Variants in EXD2 observed in about 807,000 individuals in gnomAD.
EXD2 encodes exonuclease 3'-5' domain containing 2.
EXD2 carries 40 observed loss-of-function variants against 62.5 expected under a neutral mutation model. The ratio of observed to expected loss-of-function variants is 0.64; its 90% CI spans 0.50 to 0.83. EXD2 has a LOEUF of 0.83. Ranked by LOEUF, EXD2 falls within the 40% of genes least tolerant of loss-of-function variation. EXD2 has a pLI of 0.00. For missense variants in EXD2, 671 were observed against 761.8 expected (o/e 0.88, Z 1.40); for synonymous variants, 239 against 291.9 (o/e 0.82, Z 1.85).
chr14:69,211,057 A>G (rs187172479), intron 3 of EXD2, among the ~76,000 whole-genome samples: 6 of 152,250 alleles, frequency 3.9e-5, no homozygotes, highest in Admixed American at 3.3e-4. Context: ...AAGACAACAA[A>G]GAAGTTTGCC....
rs757686825 is a variant in EXD2, at chr14:69,240,967, T to A, written c.1733T>A (p.Leu578Gln). 3.8e-5 allele frequency: 61 copies of A among 1,613,360 alleles called. No individual in the cohort carries two copies. The highest frequency in any genetic ancestry group is 1.0e-4 in the Admixed American group (6 of 60,006). ...GGTGGCCTGCGCTCCCTCATGCAGC[T>A]GGAGAGCCGCTGGCGTCAGCACTTC... ...SQGGLRSLMQ[L>Q]ESRWRQHFLD... Residue 578 changes from leucine to glutamine, a missense_variant, in exon 10 of 10, where the codon CTG (leucine) becomes CAG (glutamine). Transcript: ENST00000685843.
At chr14:69,213,066 C>T (rs1428216729) in intron 3 of EXD2, among the ~76,000 whole-genome samples, 1 of 148,554 alleles carries the variant, frequency 6.7e-6, no homozygotes, top group Non-Finnish European at 1.5e-5. Flanking sequence ...GTTTACCTTC[C>T]TGTATTCTTC....
intron 3 of EXD2, among the ~76,000 whole-genome samples, chr14:69,226,273 C>T (rs1470124822): frequency 6.6e-6 from 1 of 152,148 alleles, no homozygotes; most frequent in South Asian, 2.1e-4. Flanking sequence ...CCCCAGTAGT[C>T]GTGTTTCTCA....
chr14:69,240,743 G>GT, intron 9 of EXD2, 141 bp from the exon 10 acceptor site: 1 of 643,232 alleles, frequency 1.6e-6, no homozygotes, highest in Non-Finnish European at 2.7e-6. Context: ...GAAAGAGGAT[G>GT]TTTCGAAAAC....
chr14:69,229,527 G>T (rs573583733), intron 4 of EXD2, among the ~76,000 whole-genome samples: 1 of 152,122 alleles, frequency 6.6e-6, no homozygotes, highest in African/African-American at 2.4e-5. Context: ...TTAGATGAGC[G>T]TGCTCTGTTC....
chr14:69,231,566 A>G (rs1036672235), intron 5 of EXD2, among the ~76,000 whole-genome samples: 1 of 152,172 alleles, frequency 6.6e-6, no homozygotes, highest in Non-Finnish European at 1.5e-5. Flanking sequence ...TTTTGTTTGC[A>G]TAGTGTTCCA....
chr14:69,216,709 T>C (rs1295404826), intron 3 of EXD2, among the ~76,000 whole-genome samples: 1 of 152,196 alleles, frequency 6.6e-6, no homozygotes, highest in African/African-American at 2.4e-5. Context: ...TTTATATTAT[T>C]GAAGGGTTTT....
At chr14:69,195,446 C>G (rs1438937267) in intron 1 of EXD2, among the ~76,000 whole-genome samples, 2 of 152,200 alleles carry the variant, frequency 1.3e-5, no homozygotes, top group Non-Finnish European at 2.9e-5. Context: ...ACTCACCCGC[C>G]TTGGCCTTCC....
chr14:69,195,293 G>A (rs925324992), intron 1 of EXD2, among the ~76,000 whole-genome samples: 1 of 151,584 alleles, frequency 6.6e-6, no homozygotes, highest in African/African-American at 2.4e-5. Flanking sequence ...GACCTCCTGG[G>A]CTCGAGTGAT....
At chr14:69,235,179 AC>A (rs1206422757) in intron 6 of EXD2, 148 bp downstream of exon 6, 2 of 647,482 alleles carry the variant, frequency 3.1e-6, no homozygotes, top group African/African-American at 1.8e-5. Context: ...TCCATCAGAG[AC>A]ATTTGGTCTC....
intron 5 of EXD2, among the ~76,000 whole-genome samples, chr14:69,232,607 T>C (rs1283753293): frequency 6.6e-6 from 1 of 152,226 alleles, no homozygotes; most frequent in African/African-American, 2.4e-5. Flanking sequence ...TGAAGCGGTA[T>C]TTCATTGTGG....
intron 3 of EXD2, among the ~76,000 whole-genome samples, chr14:69,213,088 T>C (rs1173840000): frequency 5.3e-5 from 8 of 149,930 alleles, no homozygotes; most frequent in Non-Finnish European, 1.2e-4. Context: ...TCTTTTCTTT[T>C]TTTTTTTTTT....
chr14:69,193,375 T>G (rs915257295), intron 1 of EXD2, among the ~76,000 whole-genome samples: 1 of 152,196 alleles, frequency 6.6e-6, no homozygotes, highest in Non-Finnish European at 1.5e-5. Flanking sequence ...GCTCTTTTGA[T>G]CATTTAATGG....
At chr14:69,205,782 T>C (rs2042572833) in intron 2 of EXD2, among the ~76,000 whole-genome samples, 1 of 152,154 alleles carries the variant, frequency 6.6e-6, no homozygotes, top group Admixed American at 6.6e-5. Context: ...CAATAGAATT[T>C]ACCAGTTCTG....
chr14:69,231,238 T>C (rs2043566657), intron 5 of EXD2, among the ~76,000 whole-genome samples: 1 of 152,212 alleles, frequency 6.6e-6, no homozygotes, highest in South Asian at 2.1e-4. Context: ...CCTTTCCCCA[T>C]TCCTAATCCT....
chr14:69,221,710 G>A (rs2043188298), intron 3 of EXD2, among the ~76,000 whole-genome samples: 1 of 151,956 alleles, frequency 6.6e-6, no homozygotes, highest in Non-Finnish European at 1.5e-5. Context: ...CAAGGCTGCA[G>A]TGAGCTATGA....
intron 3 of EXD2, among the ~76,000 whole-genome samples, chr14:69,220,251 CTGTTTT>C (rs1441964237): frequency 0.011 from 692 of 60,582 alleles, 18 homozygotes; most frequent in African/African-American, 0.047. Flanking sequence ...TTTTGTCTCT[CTGTTTT>C]TTTTTTTTTT....
Position 69,241,049 on chromosome 14 carries a change from T to C in EXD2, c.1815T>C (p.His605=). 6.2e-7 allele frequency: 1 copy of C among 1,612,790 alleles called. No homozygotes were observed. Among genetic ancestry groups the C allele is most frequent in the Non-Finnish European group, 8.5e-7 (1 of 1,180,018 alleles). The change falls in exon 10 of 10, where the codon CAT becomes CAC. Residue 605 remains histidine, a synonymous_variant. Transcript: ENST00000685843. The part of the protein sequence containing the change: ...LPQQWSVDHN[H]QKLLRKFGED... ...AGCAGTGGTCAGTGGACCACAACCA[T>C]CAGAAGCTGCTCCGGAAATTCGGGG... is the stretch of plus-strand genomic sequence containing the variant.
At chr14:69,211,951 G>T (rs1336245233) in intron 3 of EXD2, among the ~76,000 whole-genome samples, 1 of 152,164 alleles carries the variant, frequency 6.6e-6, no homozygotes, top group Non-Finnish European at 1.5e-5. Context: ...TTAAACTCAG[G>T]TTGGATTCCA....
Sources: gnomAD v4.1 joint callset for allele counts (sites outside exome capture counted in the v4.1 genomes callset) on GRCh38, gnomAD v4.1.1 for gene constraint, MANE v1.5 for transcripts, NCBI Gene and HGNC (gene_info 2026-07-23, HGNC 2026-07-21) for gene names.